MCM3: variants seen among roughly 807,000 people sequenced by gnomAD.
The protein encoded by MCM3 is DNA replication licensing factor MCM3.
A neutral mutation model predicts 91.3 loss-of-function variants in MCM3; 59 were observed. The ratio of observed to expected loss-of-function variants is 0.65; its 90% CI spans 0.52 to 0.80. MCM3 has a LOEUF of 0.80. Ranked by LOEUF, MCM3 falls within the 30% of genes least tolerant of loss-of-function variation. The pLI is 0.00. For missense variants in MCM3, 919 were observed against 1,035.4 expected (o/e 0.89, Z 1.54); for synonymous variants, 383 against 379.6 (o/e 1.01, Z -0.10).
chr6:52,278,070 C>CAAAAAAAAAA (rs61625257), intron 6 of MCM3, among the ~76,000 whole-genome samples: 12 of 38,972 alleles, frequency 3.1e-4, no homozygotes, highest in Non-Finnish European at 3.7e-4. Flanking sequence ...TCCGTCTCAC[C>CAAAAAAAAAA]AAAAAAAAAA....
chr6:52,270,328 C>CAAAAAAAA (rs35565084), intron 12 of MCM3, among the ~76,000 whole-genome samples: 1 of 103,464 alleles, frequency 9.7e-6, no homozygotes, highest in Non-Finnish European at 2.0e-5. Flanking sequence ...GATTCCATCT[C>CAAAAAAAA]AAAAAAAAAA....
Position 52,283,403 on chromosome 6 carries a change from C to T in MCM3, c.82G>A (p.Asp28Asn). The T allele has an allele frequency of 6.2e-7, 1 of 1,611,728 alleles. No homozygotes were observed. The highest frequency in any genetic ancestry group is 8.5e-7 in the Non-Finnish European group (1 of 1,177,756). The change falls in exon 2 of 17, where the codon GAC becomes AAC. Residue 28 changes from aspartate (D) to asparagine (N), a missense_variant. Around this residue, in one of 3 missense-constraint regions of MCM3, gnomAD observed 401 missense variants for 402.7 expected, o/e 1.00. Coordinates refer to ENST00000596288, the MANE Select transcript of MCM3 (RefSeq NM_002388.6). ...DYLDFLDDEE[D>N]QGIYQSKVRE... is the part of the protein sequence containing the mutation. Reference sequence around the variant, plus strand: ...ACTTTGCTCTGATAAATTCCCTGGTCTTCCTGCAAAACAGCCACCACATAT... The same window carrying T: ...ACTTTGCTCTGATAAATTCCCTGGTTTTCCTGCAAAACAGCCACCACATAT...
chr6:52,275,964 T>G, intron 9 of MCM3: 1 of 313,224 alleles, frequency 3.2e-6, no homozygotes, highest in South Asian at 4.6e-5. Context: ...CCTGTTCTGT[T>G]TAGAAATTCT....
chr6:52,273,310 G>GGGATCATC lies in MCM3; in HGVS notation c.1588_1595dup (p.Asn533MetfsTer34). ...CCTGCTGATCTTCCTGGCTAAAGTT[G>GGGATCATC]GGATCATCTGTGGCCAGGATATCCA... is the stretch of plus-strand genomic sequence containing the variant. On this transcript the variant is annotated frameshift_variant, in exon 11 of 17. Coordinates refer to ENST00000596288, the MANE Select transcript of MCM3 (RefSeq NM_002388.6). LOFTEE classifies it high-confidence loss of function. The GGGATCATC allele has an allele frequency of 6.2e-7, 1 of 1,614,138 alleles. No homozygotes were observed.
Position 52,273,618 on chromosome 6 carries a change from G to A in MCM3, c.1549+124C>T, listed in dbSNP as rs533538440. ...AGCAAGAAGGGGAGGTGGCTAAACA[G>A]TTGAGGGCTCTTCAACATCAACCCG... On this transcript the variant is annotated intron_variant, in intron 10 of 16. Coordinates refer to ENST00000596288, the MANE Select transcript of MCM3 (RefSeq NM_002388.6). 1.2e-4 allele frequency: 123 copies of A among 1,021,144 alleles called. No homozygotes were observed. The East Asian group carries it at 2.7e-3, about 22-fold the overall frequency. 63.3% of individuals were successfully genotyped at this position (1,021,144 alleles called of 1,614,324 possible).
rs1765268747 is a variant in MCM3, at chr6:52,273,125, G to A, written c.1676+105C>T. 4 of 1,357,776 alleles carry A rather than the reference G, an allele frequency of 2.9e-6. No individual in the cohort carries two copies. In the Admixed American group the frequency reaches 6.9e-5, roughly 23 times the overall value. The allele number at this position is 1,357,776 out of a possible 1,614,324, so 84.1% of individuals were successfully genotyped here. On this transcript the variant is annotated intron_variant, in intron 11 of 16. Coordinates refer to ENST00000596288, the MANE Select transcript of MCM3 (RefSeq NM_002388.6). ...CCACGTGGTTATGACTCCAGGCATG[G>A]CTTTGACCTGGGCATATAAGGCCTT...
chr6:52,276,565 T>G, intron 8 of MCM3, 89 bp from the exon 9 acceptor site: 1 of 1,146,102 alleles, frequency 8.7e-7, no homozygotes, highest in Non-Finnish European at 1.2e-6. Flanking sequence ...TAGGAATCTC[T>G]CACTTTGCAC....
intron 1 of MCM3, among the ~76,000 whole-genome samples, chr6:52,284,281 A>T (rs893772539): frequency 6.6e-6 from 1 of 152,180 alleles, no homozygotes; most frequent in African/African-American, 2.4e-5. Context: ...TCCTCAAATC[A>T]AGAGAGAGCA....
chr6:52,270,565 G>C (rs916740699), intron 12 of MCM3, among the ~76,000 whole-genome samples: 2 of 152,122 alleles, frequency 1.3e-5, no homozygotes, highest in Non-Finnish European at 2.9e-5. Flanking sequence ...TACACTCCAT[G>C]ACAAGTTCTA....
Position 52,282,704 on chromosome 6 carries a change from TA to T in MCM3, c.348del (p.Thr117ProfsTer20). 6.2e-7 allele frequency: 1 copy of T among 1,613,714 alleles called. No homozygotes were observed. The highest frequency in any genetic ancestry group is 8.5e-7 in the Non-Finnish European group (1 of 1,179,984). ...FGSKHVSPRT[L>X]TSCFLSCVVC... The stretch of plus-strand genomic sequence containing the variant: ...ACCACACAGCTGAGGAAGCAGGAGG[TA>T]AGAGTCCGCGGGGAGACGTGCTTGG... On this transcript the variant is annotated frameshift_variant, in exon 3 of 17. Coordinates refer to ENST00000596288, the MANE Select transcript of MCM3 (RefSeq NM_002388.6). LOFTEE classifies it high-confidence loss of function.
chr6:52,266,821 G>GCAGTTT, intron 14 of MCM3, 125 bp from the exon 15 acceptor site: 1 of 754,636 alleles, frequency 1.3e-6, no homozygotes, highest in East Asian at 2.5e-5. Context: ...TGAAGCACTA[G>GCAGTTT]GCTTAGGCCT....
At position 52,282,798 on chromosome 6, in the gene MCM3, G is replaced by T; in HGVS notation, c.255C>A (p.Ala85=). 1 of 1,614,100 alleles carries T rather than the reference G, an allele frequency of 6.2e-7. No individual in the cohort carries two copies. Among genetic ancestry groups the T allele is most frequent in the South Asian group, 1.1e-5 (1 of 91,086 alleles). The change falls in exon 3 of 17, where the codon GCC becomes GCA. Residue 85 remains alanine (A), a synonymous_variant. Coordinates refer to ENST00000596288, the MANE Select transcript of MCM3 (RefSeq NM_002388.6). ...GCTTGGCATAGGTAGCATCAATGGA[G>T]GCCACAAAATCCTTTAAGGCCCGCT... ...AFQRALKDFV[A]SIDATYAKQY...
In MCM3 at chr6:52,266,617, G is replaced by A. The variant is rs765901188; in HGVS notation, c.2152C>T (p.Pro718Ser). ...AGTAAGTGGGCTCACTCACCTTGAG[G>A]CATTTCCTCCTCTGTGTCACTGAAG... ...YDFSDTEEEM[P>S]QVHTPKTADS... The change falls in exon 15 of 17, where the codon CCT becomes TCT. Residue 718 changes from proline to serine, a missense_variant. Around this residue, in one of 3 missense-constraint regions of MCM3, gnomAD observed 285 missense variants for 311.4 expected, o/e 0.92. Coordinates refer to ENST00000596288, the MANE Select transcript of MCM3 (RefSeq NM_002388.6). 48 of 1,613,782 alleles carry A rather than the reference G, an allele frequency of 3.0e-5. No individual in the cohort carries two copies. Among genetic ancestry groups the A allele is most frequent in the Non-Finnish European group, 4.1e-5 (48 of 1,179,834 alleles).
At chr6:52,268,315 A>C (rs184173183) in intron 13 of MCM3, among the ~76,000 whole-genome samples, 1 of 152,360 alleles carries the variant, frequency 6.6e-6, no homozygotes, top group East Asian at 1.9e-4. Context: ...CCCTTAACCT[A>C]GCAAAAAGCG....
chr6:52,268,831 A>C (rs1764858603), intron 13 of MCM3, among the ~76,000 whole-genome samples: 1 of 152,190 alleles, frequency 6.6e-6, no homozygotes, highest in Non-Finnish European at 1.5e-5. Flanking sequence ...AAAGTACAGC[A>C]CATCAACTAA....
rs1562381911 is a variant in MCM3, at chr6:52,272,454, G to A, written c.1677-3C>T. 6.2e-7 allele frequency: 1 copy of A among 1,613,944 alleles called. No homozygotes were observed. On this transcript the variant is annotated splice_polypyrimidine_tract_variant and splice_region_variant and intron_variant, in intron 11 of 16. Coordinates refer to ENST00000596288, the MANE Select transcript of MCM3 (RefSeq NM_002388.6). Reference sequence around the variant, plus strand: ...ATGCTGCACTCACCATCTTCTCCCTGGAGCCACACACAGTGAATTCCATCT... The same window carrying A: ...ATGCTGCACTCACCATCTTCTCCCTAGAGCCACACACAGTGAATTCCATCT...
In MCM3 at chr6:52,277,677, G is replaced by C; in HGVS notation, c.891C>G (p.Asp297Glu). The C allele has an allele frequency of 6.2e-7, 1 of 1,613,794 alleles. No homozygotes were observed. Among genetic ancestry groups the C allele is most frequent in the African/African-American group, 1.3e-5 (1 of 74,984 alleles). The change falls in exon 7 of 17, where the codon GAC becomes GAG. Residue 297 changes from aspartate (D) to glutamate (E), a missense_variant. Physicochemically the swap from Asp to Glu is conservative, Grantham distance 45. This residue lies in a region of MCM3 where 401 missense variants were observed against 402.7 expected (regional missense o/e 1.00). Coordinates refer to ENST00000596288, the MANE Select transcript of MCM3 (RefSeq NM_002388.6). ...TTGGGGCCAATGACTTGGCCAGCTG[G>C]TCAAAGATATCCTACAGGAGAAATA... Reference protein sequence around the residue: ...FSKTRSKDIFDQLAKSLAPSI... With the variant: ...FSKTRSKDIFEQLAKSLAPSI...
intron 1 of MCM3, 59 bp downstream of exon 1, chr6:52,284,538 C>A: frequency 6.6e-7 from 1 of 1,505,680 alleles, no homozygotes; most frequent in South Asian, 1.2e-5. Context: ...GGCTTCCCGG[C>A]CGGGCCGCGT....
chr6:52,273,811 C>T lies in MCM3; in HGVS notation c.1480G>A (p.Asp494Asn). Residue 494 changes from aspartate (D) to asparagine (N), a missense_variant, in exon 10 of 17, where the codon GAT (aspartate) becomes AAT (asparagine). Asp to Asn is a conservative substitution (Grantham distance 23, BLOSUM62 1). This residue lies in a region of MCM3 where 233 missense variants were observed against 321.2 expected (regional missense o/e 0.73). Transcript: ENST00000596288. ...AGGACATGGTCTGAGATCTCCCGAT[C>T]CTGCTCAGGATCCATCTGATCCAGC... Reference protein sequence around the residue: ...IMLDQMDPEQDREISDHVLRM... With the variant: ...IMLDQMDPEQNREISDHVLRM... 1 of 1,614,156 alleles carries T rather than the reference C, an allele frequency of 6.2e-7. No individual in the cohort carries two copies. Among genetic ancestry groups the T allele is most frequent in the Non-Finnish European group, 8.5e-7 (1 of 1,180,022 alleles).
Sources: gnomAD v4.1 joint callset for allele counts (sites outside exome capture counted in the v4.1 genomes callset) on GRCh38, gnomAD v4.1.1 for gene constraint, gnomAD v4.1.1 regional missense constraint, MANE v1.5 for transcripts, NCBI Gene and HGNC (gene_info 2026-07-23, HGNC 2026-07-21) for gene names.